Variants in NKX2-2 observed in about 807,000 individuals in gnomAD.
NKX2-2 encodes homeobox protein Nkx-2.2.
Under a neutral mutation model 24.6 loss-of-function variants are expected in NKX2-2, and 8 were observed. That is an observed-to-expected ratio of 0.32 (90% CI 0.19 to 0.59). The LOEUF (loss-of-function observed/expected upper bound fraction) is 0.59, where lower values mean the gene tolerates loss of function less well. Ranked by LOEUF, NKX2-2 falls within the 20% of genes least tolerant of loss-of-function variation. The pLI is 0.86. For missense variants in NKX2-2, 381 were observed against 373.9 expected (o/e 1.02, Z -0.16); for synonymous variants, 217 against 173.3 (o/e 1.25, Z -1.98).
In NKX2-2 at chr20:21,512,382, G is replaced by C. The variant is rs1374199191; in HGVS notation, c.363C>G (p.Gly121=). ...SPDNDKETPG[G]GGDAGKKRKR... ...TTCGCTTCTTGCCGGCGTCCCCCCC[G>C]CCGCCCGGGGTCTCCTTGTCATTGT... is the stretch of plus-strand genomic sequence containing the variant. The change falls in exon 2 of 2, where the codon GGC becomes GGG. Residue 121 remains glycine (G), a synonymous_variant. Transcript: ENST00000377142. 1.9e-6 allele frequency: 3 copies of C among 1,601,482 alleles called. No homozygotes were observed. In the African/African-American group the frequency reaches 4.0e-5, roughly 21 times the overall value.
chr20:21,517,298 C>A (rs925639624), upstream of NKX2-2, among the ~76,000 whole-genome samples: 3 of 152,198 alleles, frequency 2.0e-5, no homozygotes, highest in Non-Finnish European at 4.4e-5. Flanking sequence ...TTCACCCCAG[C>A]GAGTCTTCCA....
At chr20:21,514,109 A>T (rs1192017112), upstream of NKX2-2, 1 of 144,504 alleles carries the variant, frequency 6.9e-6, no homozygotes, top group Non-Finnish European at 1.5e-5. Flanking sequence ...GGCTCCACTC[A>T]CGAACCTGGG....
chr20:21,511,749 A>G lies in NKX2-2; in HGVS notation c.*174T>C. The G allele has an allele frequency of 2.0e-6, 1 of 509,848 alleles. No homozygotes were observed. Among genetic ancestry groups the G allele is most frequent in the East Asian group, 3.1e-5 (1 of 31,926 alleles). 31.6% of individuals were successfully genotyped at this position (509,848 alleles called of 1,614,324 possible). A position where few individuals can be genotyped will look rare whatever the true frequency, so the allele number is the denominator to read the frequency against. ...CTGGGTGGGTGGAATCTGCCACTCC[A>G]AGGAGACGCAGGCAACCTCCCGGCG... On this transcript the variant is annotated 3_prime_UTR_variant, in exon 2 of 2. Coordinates refer to ENST00000377142, the MANE Select transcript of NKX2-2 (RefSeq NM_002509.4).
chr20:21,518,477 A>AT (rs748592437), upstream of NKX2-2, among the ~76,000 whole-genome samples: 8 of 152,172 alleles, frequency 5.3e-5, no homozygotes, highest in Non-Finnish European at 1.2e-4. Context: ...TCCGCAACGA[A>AT]TTGAGTTCGG....
chr20:21,522,429 C>G, the NKX2-2 span, among the ~76,000 whole-genome samples: 1 of 152,132 alleles, frequency 6.6e-6, no homozygotes, highest in African/African-American at 2.4e-5. Context: ...AGACAGTCAG[C>G]GCCTGGCAGC....
Position 21,512,466 on chromosome 20 carries a change from C to T in NKX2-2, c.279G>A (p.Gly93=), listed in dbSNP as rs758263699. 6.3e-7 allele frequency: 1 copy of T among 1,576,476 alleles called. No homozygotes were observed. The highest frequency in any genetic ancestry group is 1.8e-5 in the Admixed American group (1 of 56,230). ...TGGAGCTTGAGTCCTGAGGGGGCGCCCCGGCAGCCAGACCGTGCACTGGGG... is the reference window on the plus strand; with the variant it reads ...TGGAGCTTGAGTCCTGAGGGGGCGCTCCGGCAGCCAGACCGTGCACTGGGG... ...LQYSLHGLAA[G]APPQDSSSKS... Residue 93 remains glycine, a synonymous_variant, in exon 2 of 2, where the codon GGG becomes GGA. Transcript: ENST00000377142.
chr20:21,517,559 G>A (rs1226482842), upstream of NKX2-2, among the ~76,000 whole-genome samples: 1 of 152,216 alleles, frequency 6.6e-6, no homozygotes, highest in Admixed American at 6.5e-5. Context: ...GGAGAAACTG[G>A]GCTTGTTAGT....
At chr20:21,516,826 G>T (rs896033591), upstream of NKX2-2, among the ~76,000 whole-genome samples, 1 of 152,110 alleles carries the variant, frequency 6.6e-6, no homozygotes, top group African/African-American at 2.4e-5. Flanking sequence ...TCTTAGGTGG[G>T]GGAGTGCCCG....
upstream of NKX2-2, among the ~76,000 whole-genome samples, chr20:21,515,833 G>C (rs992505699): frequency 6.6e-6 from 1 of 152,286 alleles, no homozygotes; most frequent in Non-Finnish European, 1.5e-5. Context: ...CTGCCCCCGG[G>C]TTGCCAGCGC....
rs1980465026 is a variant in NKX2-2 at position 21,512,288 on chromosome 20, G to A, written c.457C>T (p.Leu153=). The change falls in exon 2 of 2, where the codon CTG becomes TTG. Residue 153 remains leucine (L), a synonymous_variant. Coordinates refer to ENST00000377142, the MANE Select transcript of NKX2-2 (RefSeq NM_002509.4). The part of the protein sequence containing the change: ...LERRFRQQRY[L]SAPEREHLAS... Reference sequence around the variant, plus strand: ...AGGTGTTCGCGCTCGGGCGCCGACAGGTACCGCTGCTGCCGAAAGCGCCGC... The same window carrying A: ...AGGTGTTCGCGCTCGGGCGCCGACAAGTACCGCTGCTGCCGAAAGCGCCGC... 6.2e-7 allele frequency: 1 copy of A among 1,613,566 alleles called. No homozygotes were observed. Among genetic ancestry groups the A allele is most frequent in the Non-Finnish European group, 8.5e-7 (1 of 1,179,928 alleles).
chr20:21,520,434 A>G, the NKX2-2 span, among the ~76,000 whole-genome samples: 1 of 152,352 alleles, frequency 6.6e-6, no homozygotes, highest in African/African-American at 2.4e-5. Context: ...TTGTCTTTCT[A>G]TTAATCAGCT....
rs1400703387 is a variant in NKX2-2 at position 21,512,121 on chromosome 20, C to G, written c.624G>C (p.Leu208Phe). Reference sequence around the variant, plus strand: ...CGTGACATGGTTTGCCGTCCCTGACCAAGACGGGCACGGCCACCCGGCGCG... The same window carrying G: ...CGTGACATGGTTTGCCGTCCCTGACGAAGACGGGCACGGCCACCCGGCGCG... ...PSPRRVAVPVLVRDGKPCHAL... is the reference protein window; with the variant it reads ...PSPRRVAVPVFVRDGKPCHAL... The change falls in exon 2 of 2, where the codon TTG becomes TTC. Residue 208 changes from leucine (L) to phenylalanine (F), a missense_variant. Around this residue, in one of 3 missense-constraint regions of NKX2-2, gnomAD observed 139 missense variants for 121.7 expected, o/e 1.14. Transcript: ENST00000377142. The G allele has an allele frequency of 1.9e-6, 3 of 1,613,760 alleles. No homozygotes were observed. Among genetic ancestry groups the G allele is most frequent in the Non-Finnish European group, 2.5e-6 (3 of 1,179,904 alleles).
Position 21,511,914 on chromosome 20 carries a change from G to A in NKX2-2, c.*9C>T. On this transcript the variant is annotated 3_prime_UTR_variant, in exon 2 of 2. Transcript: ENST00000377142. Reference sequence around the variant, plus strand: ...GGGCCTGGGGCCGCGAGTCTCGTTGGGGCGGCGCTCACCAAGTCCACTGCT... The same window carrying A: ...GGGCCTGGGGCCGCGAGTCTCGTTGAGGCGGCGCTCACCAAGTCCACTGCT... 1 of 1,567,292 alleles carries A rather than the reference G, an allele frequency of 6.4e-7. No homozygotes were observed. Among genetic ancestry groups the A allele is most frequent in the Non-Finnish European group, 8.6e-7 (1 of 1,158,044 alleles).
At chr20:21,516,897 G>A (rs1980654666), upstream of NKX2-2, among the ~76,000 whole-genome samples, 1 of 152,172 alleles carries the variant, frequency 6.6e-6, no homozygotes, top group Non-Finnish European at 1.5e-5. Flanking sequence ...GAAGTTCCAT[G>A]TAGTTCCCAA....
chr20:21,519,028 G>A (rs563873719), upstream of NKX2-2, among the ~76,000 whole-genome samples: 65 of 152,206 alleles, frequency 4.3e-4, no homozygotes, highest in African/African-American at 1.6e-3. Context: ...GGGGGTAGGG[G>A]TGGGGTCTTG....
chr20:21,512,746 TG>T (rs1178376536), intron 1 of NKX2-2, among the ~76,000 whole-genome samples: 7 of 150,954 alleles, frequency 4.6e-5, no homozygotes, highest in Non-Finnish European at 7.4e-5. Flanking sequence ...GGTGAGAATT[TG>T]GGGGGGGAAG....
upstream of NKX2-2, among the ~76,000 whole-genome samples, chr20:21,514,912 C>T (rs914940202): frequency 6.6e-6 from 1 of 152,260 alleles, no homozygotes; most frequent in East Asian, 1.9e-4. Flanking sequence ...CCGCCCCCTT[C>T]CAGCCGCCCT....
At chr20:21,521,168 T>G in the NKX2-2 span, among the ~76,000 whole-genome samples, 4 of 151,868 alleles carry the variant, frequency 2.6e-5, no homozygotes, top group African/African-American at 9.7e-5. Flanking sequence ...GCTCTGTCTC[T>G]CTCTCTCCAA....
chr20:21,516,625 G>A (rs984599468), upstream of NKX2-2, among the ~76,000 whole-genome samples: 8 of 152,094 alleles, frequency 5.3e-5, no homozygotes, highest in Non-Finnish European at 1.0e-4. Context: ...CCCAAGCGTT[G>A]CAGCAAAGAC....
Sources: gnomAD v4.1 joint callset for allele counts (sites outside exome capture counted in the v4.1 genomes callset) on GRCh38, gnomAD v4.1.1 for gene constraint, gnomAD v4.1.1 regional missense constraint, MANE v1.5 for transcripts, NCBI Gene and HGNC (gene_info 2026-07-23, HGNC 2026-07-21) for gene names.